Variants in LINGO2 observed in about 807,000 individuals in gnomAD.
The protein encoded by LINGO2 is leucine-rich repeat and immunoglobulin-like domain-containing nogo receptor-interacting protein 2.
LINGO2 carries 14 observed loss-of-function variants against 30.6 expected under a neutral mutation model. That is an observed-to-expected ratio of 0.46 (90% CI 0.30 to 0.72). The LOEUF (loss-of-function observed/expected upper bound fraction) is 0.72, where lower values mean the gene tolerates loss of function less well. LINGO2 is among the 30% of genes least tolerant of loss of function. The pLI is 0.07. For synonymous variants in LINGO2, 317 were observed against 288.5 expected, an observed-to-expected ratio of 1.10 and a Z score of -1.00; for missense variants, 729 against 751.7, an observed-to-expected ratio of 0.97 and a Z score of 0.35.
chr9:28,135,242 C>G (rs1434612791), intron 4 of LINGO2, among the ~76,000 whole-genome samples: 8 of 151,480 alleles, frequency 5.3e-5, no homozygotes, highest in Admixed American at 5.3e-4. Context: ...AAAGAAGACC[C>G]TAAAGAGGAA....
chr9:28,857,947 G>C, the LINGO2 span, among the ~76,000 whole-genome samples: 13 of 151,506 alleles, frequency 8.6e-5, no homozygotes, highest in African/African-American at 3.1e-4. Context: ...AGAAAATTTA[G>C]ATATCGTATG....
chr9:28,509,459 AGTG>A (rs112036512), intron 1 of LINGO2, among the ~76,000 whole-genome samples: 2,650 of 152,312 alleles, frequency 0.017, 84 homozygotes, highest in East Asian at 0.12. Flanking sequence ...TTTTCTAGTC[AGTG>A]GTTTACAATC....
At chr9:28,624,955 G>A (rs1826592465) in intron 1 of LINGO2, among the ~76,000 whole-genome samples, 1 of 151,624 alleles carries the variant, frequency 6.6e-6, no homozygotes. Flanking sequence ...GGGAGAGGTT[G>A]GACAAGCACT....
intron 1 of LINGO2, among the ~76,000 whole-genome samples, chr9:28,651,261 TC>T (rs2135972894): frequency 6.6e-6 from 1 of 152,136 alleles, no homozygotes; most frequent in African/African-American, 2.4e-5. Context: ...GACCACAGTG[TC>T]CTGATGAGTC....
exon 6 of LINGO2, chr9:27,949,187 T>C: frequency 6.2e-7 from 1 of 1,614,118 alleles, no homozygotes; most frequent in African/African-American, 1.3e-5. Context: ...TTAAGGAGGC[T>C]GTGAAGGTAT....
chr9:28,258,092 C>T (rs1284155539), intron 4 of LINGO2, among the ~76,000 whole-genome samples: 1 of 151,920 alleles, frequency 6.6e-6, no homozygotes, highest in East Asian at 1.9e-4. Flanking sequence ...AACCTCTTTG[C>T]TAATAAATGA....
chr9:29,207,738 G>A, the LINGO2 span, among the ~76,000 whole-genome samples: 1 of 151,982 alleles, frequency 6.6e-6, no homozygotes. Flanking sequence ...AAACTCTAGG[G>A]AAGGAAATGG....
At chr9:28,430,107 C>CGTGT (rs112852261) in intron 2 of LINGO2, among the ~76,000 whole-genome samples, 388 of 18,218 alleles carry the variant, frequency 0.021, 4 homozygotes, top group South Asian at 0.16. Context: ...CGCGCGCGCG[C>CGTGT]GCGTGTGTGT....
chr9:28,930,633 T>C, the LINGO2 span, among the ~76,000 whole-genome samples: 1 of 152,138 alleles, frequency 6.6e-6, no homozygotes, highest in Non-Finnish European at 1.5e-5. The surrounding 1 kb of genome is among the most constrained non-coding windows in gnomAD (Gnocchi z 4.2). Flanking sequence ...TATCTCAGTA[T>C]CTAACATGAT....
chr9:28,595,346 C>G (rs1360920749), intron 1 of LINGO2, among the ~76,000 whole-genome samples: 4 of 151,930 alleles, frequency 2.6e-5, no homozygotes, highest in African/African-American at 9.7e-5. Context: ...CATCTAGTAC[C>G]TATCTTTCAC....
the LINGO2 span, among the ~76,000 whole-genome samples, chr9:28,929,467 G>A: frequency 6.6e-6 from 1 of 152,200 alleles, no homozygotes; most frequent in African/African-American, 2.4e-5. Context: ...TATCCTCAGA[G>A]AAGGCAGCTA....
At chr9:27,977,674 T>G (rs1271754190) in intron 5 of LINGO2, among the ~76,000 whole-genome samples, 1 of 151,744 alleles carries the variant, frequency 6.6e-6, no homozygotes, top group Non-Finnish European at 1.5e-5. Context: ...ACTGTGTTAG[T>G]GAAATATTTA....
intron 1 of LINGO2, among the ~76,000 whole-genome samples, chr9:28,476,683 T>C (rs543500751): frequency 6.6e-6 from 1 of 152,100 alleles, no homozygotes; most frequent in East Asian, 1.9e-4. Flanking sequence ...TGGTATTTTG[T>C]TATAACGTAA....
At chr9:28,715,521 C>T in the LINGO2 span, among the ~76,000 whole-genome samples, 1 of 152,050 alleles carries the variant, frequency 6.6e-6, no homozygotes, top group African/African-American at 2.4e-5. Context: ...TGGAAGGGTC[C>T]AGTGGAAGGA....
the LINGO2 span, among the ~76,000 whole-genome samples, chr9:29,143,319 C>A: frequency 6.6e-6 from 1 of 151,946 alleles, no homozygotes; most frequent in African/African-American, 2.4e-5. Context: ...GAAAAAAATT[C>A]TACAATTCAT....
At chr9:28,347,388 C>T (rs1052209225) in intron 3 of LINGO2, among the ~76,000 whole-genome samples, 5 of 151,572 alleles carry the variant, frequency 3.3e-5, no homozygotes, top group East Asian at 2.0e-4. Context: ...CTCAACCCTC[C>T]TAATATATAT....
the LINGO2 span, among the ~76,000 whole-genome samples, chr9:28,856,952 CT>C: frequency 6.6e-6 from 1 of 151,978 alleles, no homozygotes; most frequent in Non-Finnish European, 1.5e-5. Flanking sequence ...AGGATGACAT[CT>C]AAATTTTAGG....
chr9:28,865,792 A>G, the LINGO2 span, among the ~76,000 whole-genome samples: 1 of 152,168 alleles, frequency 6.6e-6, no homozygotes, highest in Non-Finnish European at 1.5e-5. Flanking sequence ...TCAAAAAACA[A>G]AACAAAACAA....
intron 1 of LINGO2, among the ~76,000 whole-genome samples, chr9:28,595,931 G>A (rs1281546376): frequency 6.6e-6 from 1 of 152,058 alleles, no homozygotes; most frequent in Non-Finnish European, 1.5e-5. Context: ...TTTGCATAAA[G>A]GTAAAACACA....
Sources: gnomAD v4.1 joint callset for allele counts (sites outside exome capture counted in the v4.1 genomes callset) on GRCh38, gnomAD v4.1.1 for gene constraint, Gnocchi (gnomAD v3.1) non-coding constraint, MANE v1.5 for transcripts, NCBI Gene and HGNC (gene_info 2026-07-23, HGNC 2026-07-21) for gene names.